The following CCBE1 variants were observed in gnomAD, a reference collection of about 807,000 sequenced individuals.
CCBE1 encodes the protein collagen and calcium binding EGF domains 1.
In CCBE1, 37 loss-of-function variants were observed where a neutral mutation model predicts 50.0. The ratio of observed to expected loss-of-function variants is 0.74; its 90% CI spans 0.57 to 0.97. CCBE1 has a LOEUF of 0.97. Ranked by LOEUF, CCBE1 falls within the 50% of genes least tolerant of loss-of-function variation. The pLI, the probability that CCBE1 is intolerant of heterozygous loss-of-function variation, is 0.00. For missense variants in CCBE1, 538 were observed against 523.8 expected (o/e 1.03, Z -0.26); for synonymous variants, 234 against 203.7 (o/e 1.15, Z -1.27).
chr18:59,689,713 C>T (rs970569115), intron 2 of CCBE1, among the ~76,000 whole-genome samples: 1 of 152,178 alleles, frequency 6.6e-6, no homozygotes, highest in African/African-American at 2.4e-5. Flanking sequence ...GTGAACTGGG[C>T]TTGGGGTATT....
chr18:59,451,990 C>T (rs1910958257), intron 6 of CCBE1, among the ~76,000 whole-genome samples: 1 of 152,050 alleles, frequency 6.6e-6, no homozygotes, highest in Non-Finnish European at 1.5e-5. Flanking sequence ...TAATGTATTA[C>T]CCACCTGTGC....
intron 7 of CCBE1, 36 bp from the exon 8 acceptor site, chr18:59,439,852 A>G: frequency 1.2e-6 from 2 of 1,611,518 alleles, no homozygotes; most frequent in Non-Finnish European, 1.7e-6. Context: ...CTCACAGCAC[A>G]TGAGAAGGAC....
At chr18:59,583,126 A>G (rs2053110822) in intron 2 of CCBE1, among the ~76,000 whole-genome samples, 1 of 152,300 alleles carries the variant, frequency 6.6e-6, no homozygotes, top group Non-Finnish European at 1.5e-5. Flanking sequence ...GCTGGTAACC[A>G]TTTTTTAAGG....
intron 5 of CCBE1, among the ~76,000 whole-genome samples, chr18:59,461,210 C>G (rs987672142): frequency 6.6e-6 from 1 of 151,828 alleles, no homozygotes; most frequent in Non-Finnish European, 1.5e-5. Flanking sequence ...AGCCTAGGAA[C>G]TTTCCACTGC....
At chr18:59,628,033 C>G (rs377034376) in intron 2 of CCBE1, among the ~76,000 whole-genome samples, 13 of 152,008 alleles carry the variant, frequency 8.6e-5, no homozygotes, top group African/African-American at 3.1e-4. Flanking sequence ...GGCAACATAA[C>G]GACACCCCGT....
At chr18:59,651,341 C>T (rs991146723) in intron 2 of CCBE1, among the ~76,000 whole-genome samples, 11 of 152,306 alleles carry the variant, frequency 7.2e-5, no homozygotes, top group Non-Finnish European at 1.0e-4. Flanking sequence ...TCCATACCAC[C>T]GGGTTATGGG....
At chr18:59,583,070 T>C (rs1433886748) in intron 2 of CCBE1, among the ~76,000 whole-genome samples, 1 of 151,962 alleles carries the variant, frequency 6.6e-6, no homozygotes, top group Admixed American at 6.7e-5. Flanking sequence ...CCTCTCACCT[T>C]GGCCTCCCAA....
intron 2 of CCBE1, among the ~76,000 whole-genome samples, chr18:59,658,314 C>T (rs2054218336): frequency 1.7e-5 from 1 of 60,370 alleles, no homozygotes; most frequent in Non-Finnish European, 3.0e-5. Context: ...TAGCAAGACC[C>T]TGTCTCTAAA....
rs550816989 is a variant in CCBE1 at position 59,661,691 on chromosome 18, G to A, written c.212+34938C>T. ...CTTATTTAATAGATTCTGTTGGCCC[G>A]GCATGGTGGTTCATGCCTGTAATCC... On this transcript the variant is annotated intron_variant, in intron 2 of 10. Transcript: ENST00000439986. Among the ~76,000 whole-genome samples the A allele has an allele frequency of 3.9e-5, 6 of 152,134 alleles. No individual in the cohort carries two copies. The South Asian group carries it at 1.0e-3, about 26-fold the overall frequency.
chr18:59,473,461 C>A (rs375137587), intron 3 of CCBE1, among the ~76,000 whole-genome samples: 2 of 152,134 alleles, frequency 1.3e-5, no homozygotes, highest in African/African-American at 4.8e-5. Context: ...AAATTAATAT[C>A]CTTCAATTCT....
intron 2 of CCBE1, among the ~76,000 whole-genome samples, chr18:59,548,273 T>G (rs1915784857): frequency 6.6e-6 from 1 of 152,188 alleles, no homozygotes; most frequent in Non-Finnish European, 1.5e-5. Context: ...GGAGAGCAGG[T>G]GGGAACATTT....
intron 5 of CCBE1, among the ~76,000 whole-genome samples, chr18:59,464,446 C>T (rs4998987): frequency 0.37 from 56,788 of 151,804 alleles, 11,257 homozygotes; most frequent in East Asian, 0.67. Flanking sequence ...AAAAACAAAA[C>T]AAAACAAAAA....
intron 3 of CCBE1, among the ~76,000 whole-genome samples, chr18:59,474,551 A>T (rs1039272029): frequency 5.9e-5 from 9 of 152,154 alleles, no homozygotes; most frequent in African/African-American, 2.2e-4. Flanking sequence ...TCAAAATTCA[A>T]TGTGTGAGCA....
At chr18:59,659,121 G>A (rs1026228826) in intron 2 of CCBE1, among the ~76,000 whole-genome samples, 2 of 152,116 alleles carry the variant, frequency 1.3e-5, no homozygotes, top group African/African-American at 4.8e-5. Flanking sequence ...TTATGTGTAA[G>A]TTGCTGGGGG....
chr18:59,441,670 G>T (rs1268400179), intron 7 of CCBE1, among the ~76,000 whole-genome samples: 2 of 152,074 alleles, frequency 1.3e-5, no homozygotes, highest in African/African-American at 4.8e-5. Context: ...TCAGCAGAGA[G>T]ATGGAAATTA....
intron 2 of CCBE1, among the ~76,000 whole-genome samples, chr18:59,548,841 C>T (rs1008799542): frequency 2.6e-5 from 4 of 152,086 alleles, no homozygotes; most frequent in African/African-American, 9.7e-5. Flanking sequence ...GCAATTGTAA[C>T]ACAATGGTAA....
intron 2 of CCBE1, among the ~76,000 whole-genome samples, chr18:59,680,778 T>C (rs2054579027): frequency 6.6e-6 from 1 of 151,962 alleles, no homozygotes; most frequent in Admixed American, 6.6e-5. Flanking sequence ...TTCCCTTTCA[T>C]CCATCAGGTT....
chr18:59,611,093 G>A (rs1405854178), intron 2 of CCBE1, among the ~76,000 whole-genome samples: 1 of 152,186 alleles, frequency 6.6e-6, no homozygotes, highest in Non-Finnish European at 1.5e-5. Context: ...CAAAGGACTG[G>A]GAGCTCCACA....
intron 2 of CCBE1, among the ~76,000 whole-genome samples, chr18:59,553,668 CT>C (rs1916009437): frequency 6.6e-6 from 1 of 152,208 alleles, no homozygotes; most frequent in Admixed American, 6.5e-5. Context: ...GAAACATACA[CT>C]TTAGGTGCTC....
Sources: allele counts gnomAD v4.1 joint callset (sites outside exome capture counted in the v4.1 genomes callset), GRCh38; gene constraint gnomAD v4.1.1; transcripts MANE v1.5; gene names NCBI Gene and HGNC (gene_info 2026-07-23, HGNC 2026-07-21).